The following PDE6C variants were observed in gnomAD, a reference collection of about 807,000 sequenced individuals.
PDE6C encodes the protein cone cGMP-specific 3',5'-cyclic phosphodiesterase subunit alpha'.
A neutral mutation model predicts 113.1 loss-of-function variants in PDE6C; 75 were observed. That is an observed-to-expected ratio of 0.66 (90% CI 0.55 to 0.80). The LOEUF (loss-of-function observed/expected upper bound fraction) is 0.80. Ranked by LOEUF, PDE6C falls within the 30% of genes least tolerant of loss-of-function variation. The pLI, the probability that PDE6C is intolerant of heterozygous loss-of-function variation, is 0.00. For synonymous variants in PDE6C, 375 were observed against 363.7 expected (o/e 1.03, Z -0.35); for missense variants, 912 against 1,038.6 (o/e 0.88, Z 1.67).
chr10:93,637,402 C>A (rs746669173), intron 11 of PDE6C, among the ~76,000 whole-genome samples: 2 of 152,146 alleles, frequency 1.3e-5, no homozygotes, highest in Non-Finnish European at 1.5e-5. Flanking sequence ...GAGAACATGA[C>A]AGAGTTAGCG....
chr10:93,657,328 A>ATTTTTTTT (rs71031526), intron 16 of PDE6C, among the ~76,000 whole-genome samples: 18 of 88,286 alleles, frequency 2.0e-4, no homozygotes, highest in Non-Finnish European at 2.8e-4. Flanking sequence ...CGCCTGGCTA[A>ATTTTTTTT]TTTTTTTTTT....
intron 15 of PDE6C, 149 bp from the exon 16 acceptor site, chr10:93,655,610 CA>C: frequency 0.15 from 45,877 of 314,968 alleles, 13 homozygotes; most frequent in South Asian, 0.16. Context: ...AAAAGCAAGC[CA>C]AAAAAAAAAA....
intron 1 of PDE6C, among the ~76,000 whole-genome samples, chr10:93,618,334 A>G (rs974709220): frequency 9.2e-5 from 14 of 152,088 alleles, no homozygotes; most frequent in Admixed American, 3.9e-4. Context: ...CTATCTTCAC[A>G]TCAGGAATTC....
chr10:93,627,642 A>G (rs2058480487), intron 7 of PDE6C, among the ~76,000 whole-genome samples: 1 of 152,186 alleles, frequency 6.6e-6, no homozygotes, highest in Non-Finnish European at 1.5e-5. Context: ...TAACATTTAG[A>G]ACATAATGTT....
At chr10:93,631,482 A>G (rs139068795) in intron 8 of PDE6C, among the ~76,000 whole-genome samples, 4,078 of 152,316 alleles carry the variant, frequency 0.027, 70 homozygotes, top group Middle Eastern at 0.071. Flanking sequence ...CAGTTTCAGA[A>G]CAGCACGGTG....
At chr10:93,658,187 A>AAAAAAG (rs2058648776) in intron 16 of PDE6C, among the ~76,000 whole-genome samples, 3 of 142,312 alleles carry the variant, frequency 2.1e-5, no homozygotes, top group Admixed American at 6.9e-5. Flanking sequence ...AAAAAAAAAA[A>AAAAAAG]AAAAAGAAAA....
At chr10:93,647,276 C>G (rs539643063) in intron 15 of PDE6C, among the ~76,000 whole-genome samples, 17 of 152,066 alleles carry the variant, frequency 1.1e-4, no homozygotes, top group African/African-American at 3.9e-4. Flanking sequence ...GATACATGAG[C>G]CCTCTGGAGA....
chr10:93,614,416 A>G (rs1396617751), intron 1 of PDE6C, among the ~76,000 whole-genome samples: 1 of 152,158 alleles, frequency 6.6e-6, no homozygotes, highest in South Asian at 2.1e-4. Flanking sequence ...TCCTCCTTTC[A>G]GTAAGTTTAA....
intron 18 of PDE6C, among the ~76,000 whole-genome samples, chr10:93,661,194 A>G (rs889067552): frequency 1.3e-5 from 2 of 152,180 alleles, no homozygotes; most frequent in Non-Finnish European, 2.9e-5. Context: ...CAAAATTTAC[A>G]TGGCCTGTCA....
intron 15 of PDE6C, among the ~76,000 whole-genome samples, chr10:93,652,555 A>G (rs2058614063): frequency 6.6e-6 from 1 of 152,218 alleles, no homozygotes; most frequent in Admixed American, 6.5e-5. Flanking sequence ...TCTTCATTAT[A>G]TCAATTTTTA....
At chr10:93,662,682 T>C (rs1183238116) in intron 20 of PDE6C, 39 bp downstream of exon 20, 16 of 970,802 alleles carry the variant, frequency 1.6e-5, no homozygotes, top group Non-Finnish European at 2.5e-5. Context: ...ACATAAACAT[T>C]TGGATGAGAA....
chr10:93,613,167 C>T lies in PDE6C; in HGVS notation c.442C>T (p.His148Tyr), dbSNP rs2058400858. ...LDIGIVGWAA[H>Y]TKKTHNVPDV... Reference sequence around the variant, plus strand: ...CATTGGGATAGTGGGTTGGGCTGCTCACACGAAGAAAACTCATAATGTCCC... The same window carrying T: ...CATTGGGATAGTGGGTTGGGCTGCTTACACGAAGAAAACTCATAATGTCCC... The change falls in exon 1 of 22, where the codon CAC (histidine) becomes TAC (tyrosine). Residue 148 changes from histidine to tyrosine, a missense_variant. Physicochemically the swap from His to Tyr is moderately conservative, Grantham distance 83 (BLOSUM62 2). Coordinates refer to ENST00000371447, the MANE Select transcript of PDE6C (RefSeq NM_006204.4). 1 of 1,613,906 alleles carries T rather than the reference C, an allele frequency of 6.2e-7. No homozygotes were observed. The highest frequency in any genetic ancestry group is 8.5e-7 in the Non-Finnish European group (1 of 1,180,046).
intron 18 of PDE6C, among the ~76,000 whole-genome samples, chr10:93,661,065 C>T (rs1037490655): frequency 6.6e-6 from 1 of 152,142 alleles, no homozygotes; most frequent in Non-Finnish European, 1.5e-5. Context: ...AAAAGCAAAG[C>T]TACTTTAGCT....
At chr10:93,620,602 C>A (rs747448797) in intron 1 of PDE6C, 30 bp from the exon 2 acceptor site, 6 of 1,612,990 alleles carry the variant, frequency 3.7e-6, no homozygotes, top group Middle Eastern at 1.6e-4. Flanking sequence ...TTTTGTGCCA[C>A]TTTGACAAAT....
At chr10:93,646,731 A>G (rs2058586250) in intron 15 of PDE6C, among the ~76,000 whole-genome samples, 1 of 152,182 alleles carries the variant, frequency 6.6e-6, no homozygotes, top group African/African-American at 2.4e-5. Context: ...ATCATGACCA[A>G]GGAGGATGGG....
At chr10:93,633,490 A>AAAAAAAAAAAAAAT (rs71485913) in intron 8 of PDE6C, among the ~76,000 whole-genome samples, 1 of 129,344 alleles carries the variant, frequency 7.7e-6, no homozygotes, top group African/African-American at 2.7e-5. Flanking sequence ...ATAAAAAAAA[A>AAAAAAAAAAAAAAT]TAAACAAGCT....
At chr10:93,626,965 C>T (rs1193225245) in intron 7 of PDE6C, 94 bp downstream of exon 7, 1 of 1,168,996 alleles carries the variant, frequency 8.6e-7, no homozygotes, top group Non-Finnish European at 1.2e-6. Flanking sequence ...AGAATGCATC[C>T]AATAAAAGCT....
intron 11 of PDE6C, 41 bp downstream of exon 11, chr10:93,637,104 G>A (rs1176777076): frequency 4.0e-6 from 4 of 1,004,372 alleles, no homozygotes; most frequent in Non-Finnish European, 6.4e-6. Flanking sequence ...GTTAAATAGA[G>A]GCATTATAAA....
chr10:93,663,255 TAA>T (rs1314903287), intron 21 of PDE6C, 77 bp downstream of exon 21: 3 of 1,412,140 alleles, frequency 2.1e-6, no homozygotes, highest in African/African-American at 1.4e-5. Flanking sequence ...GACAAAGCCA[TAA>T]AGAGTCACCA....
Sources: gnomAD v4.1 joint callset for allele counts (sites outside exome capture counted in the v4.1 genomes callset) on GRCh38, gnomAD v4.1.1 for gene constraint, MANE v1.5 for transcripts, NCBI Gene and HGNC (gene_info 2026-07-23, HGNC 2026-07-21) for gene names.